PIK3R6: variants seen among roughly 807,000 people sequenced by gnomAD.
PIK3R6 encodes the protein phosphoinositide-3-kinase regulatory subunit 6.
PIK3R6 carries 91 observed loss-of-function variants against 84.9 expected under a neutral mutation model. That is an observed-to-expected ratio of 1.07 (90% CI 0.90 to 1.28). The LOEUF is 1.28. PIK3R6 is among the 50% of genes most tolerant of loss of function. The probability of loss-of-function intolerance (pLI) is 0.00; values close to 1 mark genes in which losing one functional copy is unlikely to be tolerated. For missense variants in PIK3R6, 996 were observed against 985.1 expected, an observed-to-expected ratio of 1.01 and a Z score of -0.15; for synonymous variants, 416 against 411.4, an observed-to-expected ratio of 1.01 and a Z score of -0.13.
intron 6 of PIK3R6, 23 bp from the exon 7 acceptor site, chr17:8,836,639 C>T: frequency 6.2e-7 from 1 of 1,613,942 alleles, no homozygotes; most frequent in Non-Finnish European, 8.5e-7. Context: ...CCACTTTGGC[C>T]AAACAGCCCC....
intron 4 of PIK3R6, among the ~76,000 whole-genome samples, chr17:8,838,143 C>A (rs1482476375): frequency 2.6e-5 from 4 of 152,148 alleles, no homozygotes; most frequent in African/African-American, 9.7e-5. Context: ...CGCAGCAAAG[C>A]AACAAACAAG....
chr17:8,836,585 T>C lies in PIK3R6; in HGVS notation c.423A>G (p.Glu141=). The change falls in exon 7 of 20, where the codon GAA becomes GAG. Residue 141 remains glutamate, a synonymous_variant. Transcript: ENST00000619866. ...GTLYQRMVIA[E]QNLTNELYPY... ...GATACAGCTCATTCGTCAAGTTCTG[T>C]TCGGCAATGACCATCCTTTGGTACA... 4 of 1,614,014 alleles carry C rather than the reference T, an allele frequency of 2.5e-6. No homozygotes were observed. The highest frequency in any genetic ancestry group is 3.4e-6 in the Non-Finnish European group (4 of 1,179,896).
Position 8,821,930 on chromosome 17 carries a change from G to A in PIK3R6, c.1795C>T (p.Leu599Phe). Reference protein sequence around the residue: ...ELSLCYQKALLSHRPREVTVS... With the variant: ...ELSLCYQKALFSHRPREVTVS... The stretch of plus-strand genomic sequence containing the variant: ...GTGACCTCTCGGGGCCGGTGGCTAA[G>A]CAAGGCCTGAGGAGGGGGATCGAGG... The change falls in exon 17 of 20, where the codon CTT becomes TTT. Residue 599 changes from leucine to phenylalanine, a missense_variant. By Grantham distance (22) the Leu-to-Phe change is conservative (BLOSUM62 0). Coordinates refer to ENST00000619866, the MANE Select transcript of PIK3R6 (RefSeq NM_001010855.4). 1.3e-6 allele frequency: 2 copies of A among 1,580,280 alleles called. No homozygotes were observed. Among genetic ancestry groups the A allele is most frequent in the Non-Finnish European group, 1.7e-6 (2 of 1,162,690 alleles).
In PIK3R6 at chr17:8,828,578, G is replaced by A. The variant is rs369175065; in HGVS notation, c.1302C>T (p.Tyr434=). 90 of 1,612,430 alleles carry A rather than the reference G, an allele frequency of 5.6e-5. No individual in the cohort carries two copies. Among genetic ancestry groups the A allele is most frequent in the Non-Finnish European group, 7.3e-5 (86 of 1,179,570 alleles). Residue 434 remains tyrosine, a synonymous_variant, in exon 11 of 20, where the codon TAC becomes TAT. Coordinates refer to ENST00000619866, the MANE Select transcript of PIK3R6 (RefSeq NM_001010855.4). The part of the protein sequence containing the change: ...DRMLGRLAQA[Y]HRLRKRETQK... ...CGTCGGGGCCCCACCTGAGTCTGTG[G>A]TAGGCCTGGGCCAGGCGCCCCAGCA...
At chr17:8,860,190 C>T (rs560976097) in intron 1 of PIK3R6, among the ~76,000 whole-genome samples, 7 of 152,154 alleles carry the variant, frequency 4.6e-5, no homozygotes, top group Admixed American at 2.0e-4. Context: ...CCCCAGGCTG[C>T]GGATGGGCAC....
rs1264604829 is a variant in PIK3R6 at position 8,839,207 on chromosome 17, G to T, written c.97+407C>A. ...TACGAAAAATACAAAAATTAGCAGG[G>T]CATGGTGGCACACGCCTGTAATCTC... On this transcript the variant is annotated intron_variant, in intron 3 of 19. Transcript: ENST00000619866. This position sits in a 1 kb window ranked among gnomAD's most constrained non-coding sequence, Gnocchi z 4.2. 6.6e-6 allele frequency among the ~76,000 whole-genome samples: 1 copy of T among 152,094 alleles called. No individual in the cohort carries two copies. Among genetic ancestry groups the T allele is most frequent in the Non-Finnish European group, 1.5e-5 (1 of 68,018 alleles).
rs1234478488 is a variant in PIK3R6, at chr17:8,835,295, C to A, written c.623G>T (p.Gly208Val). The A allele has an allele frequency of 6.3e-7, 1 of 1,581,316 alleles. No homozygotes were observed. The highest frequency in any genetic ancestry group is 8.6e-7 in the Non-Finnish European group (1 of 1,159,534). Reference sequence around the variant, plus strand: ...TACCTGCAGCTTCCTGTGCAGAGCGCCTGCGTGACAGGCCTCCCCCAGAGC... The same window carrying A: ...TACCTGCAGCTTCCTGTGCAGAGCGACTGCGTGACAGGCCTCCCCCAGAGC... ...QAALGEACHA[G>V]ALHRKLQASP... The change falls in exon 8 of 20, where the codon GGC becomes GTC. Residue 208 changes from glycine (G) to valine (V), a missense_variant. Coordinates refer to ENST00000619866, the MANE Select transcript of PIK3R6 (RefSeq NM_001010855.4).
At position 8,802,843 on chromosome 17, in the gene PIK3R6, A is replaced by G. The variant is rs2087080646; in HGVS notation, c.*430T>C. On this transcript the variant is annotated 3_prime_UTR_variant, in exon 20 of 20. Coordinates refer to ENST00000619866, the MANE Select transcript of PIK3R6 (RefSeq NM_001010855.4). The stretch of plus-strand genomic sequence containing the variant: ...AGTGGCCTGAGAGTGGGAAGGGAAG[A>G]GACTTGGGAGGGAGGTGGTGCTGTT... 2 of 172,634 alleles carry G rather than the reference A, an allele frequency of 1.2e-5. No homozygotes were observed. Among genetic ancestry groups the G allele is most frequent in the Non-Finnish European group, 2.5e-5 (2 of 80,434 alleles). 10.7% of individuals were successfully genotyped at this position (172,634 alleles called of 1,614,324 possible). A position where few individuals can be genotyped will look rare whatever the true frequency, so the allele number is the denominator to read the frequency against.
rs768662610 is a variant in PIK3R6 at position 8,838,613 on chromosome 17, G to A, written c.140C>T (p.Pro47Leu). The A allele has an allele frequency of 1.9e-6, 3 of 1,607,574 alleles. No individual in the cohort carries two copies. Among genetic ancestry groups the A allele is most frequent in the Non-Finnish European group, 1.7e-6 (2 of 1,177,068 alleles). The change falls in exon 4 of 20, where the codon CCC becomes CTC. Residue 47 changes from proline to leucine, a missense_variant. Pro to Leu is a moderately conservative substitution (Grantham distance 98, BLOSUM62 -3). Transcript: ENST00000619866. ...GCGGACCAGCACTGGGCTCTTACCG[G>A]GATCTCGCTCGACCTTCTTGTGCAG... The part of the protein sequence containing the change: ...WSLHKKVERD[P>L]GKSPVLVRIL...
chr17:8,850,136 T>A (rs1261430250), intron 1 of PIK3R6, among the ~76,000 whole-genome samples: 2 of 151,934 alleles, frequency 1.3e-5, no homozygotes, highest in Non-Finnish European at 2.9e-5. Context: ...AAACCCCGTC[T>A]CTACTAAAAA....
intron 9 of PIK3R6, among the ~76,000 whole-genome samples, chr17:8,830,971 G>A (rs1225365495): frequency 2.0e-5 from 3 of 151,628 alleles, no homozygotes; most frequent in African/African-American, 7.3e-5. Context: ...GTGAAACCCC[G>A]TCTCTACTAA....
chr17:8,810,089 C>T (rs898519981), intron 18 of PIK3R6, among the ~76,000 whole-genome samples: 12 of 151,614 alleles, frequency 7.9e-5, no homozygotes, highest in African/African-American at 2.9e-4. Context: ...GGGAAATTTA[C>T]AAAAGAAAGA....
rs537298506 is a variant in PIK3R6, at chr17:8,849,506, A to G, written c.13+276T>C. 1.3e-4 allele frequency among the ~76,000 whole-genome samples: 20 copies of G among 152,356 alleles called. No individual in the cohort carries two copies. In the South Asian group the frequency reaches 4.1e-3, roughly 32 times the overall value. On this transcript the variant is annotated intron_variant, in intron 2 of 19. Coordinates refer to ENST00000619866, the MANE Select transcript of PIK3R6 (RefSeq NM_001010855.4). Reference sequence around the variant, plus strand: ...GTAAGTGCTATATAGGTTTTTGTTAAATAGTCACAAGTATTTGGCAATCAA... The same window carrying G: ...GTAAGTGCTATATAGGTTTTTGTTAGATAGTCACAAGTATTTGGCAATCAA...
chr17:8,813,314 A>T lies in PIK3R6; in HGVS notation c.1995+5769T>A, dbSNP rs78882676. Among the ~76,000 whole-genome samples, 1,186 of 152,308 alleles carry T rather than the reference A, an allele frequency of 7.8e-3. 15 individuals carry two copies. Among genetic ancestry groups the T allele is most frequent in the African/African-American group, 0.026 (1,094 of 41,562 alleles). On this transcript the variant is annotated intron_variant, in intron 18 of 19. Transcript: ENST00000619866. ...AGATGGGTTCACAGTGGAATTCTAC[A>T]AGACATACAAGGAAGAACTGATACT...
At chr17:8,813,036 G>T (rs2087404748) in intron 18 of PIK3R6, among the ~76,000 whole-genome samples, 1 of 152,008 alleles carries the variant, frequency 6.6e-6, no homozygotes, top group African/African-American at 2.4e-5. Flanking sequence ...AATCAAATAA[G>T]CACAATCAGA....
chr17:8,829,005 C>G lies in PIK3R6; in HGVS notation c.890-15G>C. ...CAGTTCCTTCCCTGGGGTGGGGGAA[C>G]AAGGGCGGTGAGGACACGTGAGGCT... On this transcript the variant is annotated splice_polypyrimidine_tract_variant and intron_variant, in intron 10 of 19. Coordinates refer to ENST00000619866, the MANE Select transcript of PIK3R6 (RefSeq NM_001010855.4). 2 of 1,493,634 alleles carry G rather than the reference C, an allele frequency of 1.3e-6. No individual in the cohort carries two copies. The highest frequency in any genetic ancestry group is 1.8e-6 in the Non-Finnish European group (2 of 1,122,252). The allele number at this position is 1,493,634 out of a possible 1,614,324, so 92.5% of individuals were successfully genotyped here. A position where few individuals can be genotyped will look rare whatever the true frequency, so the allele number is the denominator to read the frequency against.
intron 1 of PIK3R6, among the ~76,000 whole-genome samples, chr17:8,852,758 G>C (rs1421099311): frequency 6.6e-6 from 1 of 150,610 alleles, no homozygotes; most frequent in East Asian, 1.9e-4. Context: ...AAAAAAGAGA[G>C]AGAGTGGCAA....
rs1168461303 is a variant in PIK3R6 at position 8,803,485 on chromosome 17, G to A, written c.2109-56C>T. ...CCCATCTGAGGGATCAGATTGCCTA[G>A]GGCATTTGAAAGGCAGAGCTGTTAT... is the stretch of plus-strand genomic sequence containing the variant. On this transcript the variant is annotated intron_variant, in intron 19 of 19. Coordinates refer to ENST00000619866, the MANE Select transcript of PIK3R6 (RefSeq NM_001010855.4). The surrounding 1 kb of genome is among the most constrained non-coding windows in gnomAD (Gnocchi z 5.0). 5.9e-6 allele frequency: 9 copies of A among 1,520,576 alleles called. No homozygotes were observed. The highest frequency in any genetic ancestry group is 8.0e-6 in the Non-Finnish European group (9 of 1,127,714). The allele number at this position is 1,520,576 out of a possible 1,614,324, so 94.2% of individuals were successfully genotyped here.
intron 18 of PIK3R6, among the ~76,000 whole-genome samples, chr17:8,806,174 T>C (rs1321776488): frequency 6.6e-6 from 1 of 152,236 alleles, no homozygotes; most frequent in Non-Finnish European, 1.5e-5. Context: ...CTATTTGCCA[T>C]AATGAATGGA....
Sources: allele counts gnomAD v4.1 joint callset (sites outside exome capture counted in the v4.1 genomes callset), GRCh38; gene constraint gnomAD v4.1.1; non-coding constraint Gnocchi (gnomAD v3.1); transcripts MANE v1.5; gene names NCBI Gene and HGNC (gene_info 2026-07-23, HGNC 2026-07-21).